Variants in RD3 observed in about 807,000 individuals in gnomAD.
The protein encoded by RD3 is protein RD3.
RD3 carries 11 observed loss-of-function variants against 16.9 expected under a neutral mutation model. The ratio of observed to expected loss-of-function variants is 0.65; its 90% CI spans 0.41 to 1.08. The LOEUF is 1.08. Ranked by LOEUF, RD3 falls within the 50% of genes least tolerant of loss-of-function variation. The pLI is 0.00. For missense variants in RD3, 274 were observed against 267.4 expected (o/e 1.02, Z -0.17); for synonymous variants, 116 against 114.8 (o/e 1.01, Z -0.07).
rs371743426 is a variant in RD3, at chr1:211,481,351, G to A, written c.65C>T (p.Ala22Val). ...APSRLSTRSP[A>V]EMVLETLMME... ...CATAAGCGTCTCCAGCACCATCTCAGCAGGGCTCCTGGTGGACAGCCGGGA... is the reference window on the plus strand; with the variant it reads ...CATAAGCGTCTCCAGCACCATCTCAACAGGGCTCCTGGTGGACAGCCGGGA... The change falls in exon 2 of 3, where the codon GCT becomes GTT. Residue 22 changes from alanine (A) to valine (V), a missense_variant. Transcript: ENST00000680073. 2 of 1,613,946 alleles carry A rather than the reference G, an allele frequency of 1.2e-6. No individual in the cohort carries two copies. Among genetic ancestry groups the A allele is most frequent in the South Asian group, 2.2e-5 (2 of 91,084 alleles).
intron 1 of RD3, among the ~76,000 whole-genome samples, chr1:211,489,329 G>A (rs1381714720): frequency 7.3e-6 from 1 of 137,644 alleles, no homozygotes; most frequent in Non-Finnish European, 1.6e-5. Flanking sequence ...ACTGAAATGT[G>A]GTATTTCTTT....
Position 211,491,383 on chromosome 1 carries a change from C to T in RD3, c.-12+385G>A, listed in dbSNP as rs1353242613. ...ATGCAAGAGTCTCTGATTTGGGTTT[C>T]GCTTTCCTTCCCCCTGCCTGTGTCC... On this transcript the variant is annotated intron_variant, in intron 1 of 2. Coordinates refer to ENST00000680073, the MANE Select transcript of RD3 (RefSeq NM_001164688.2). 6.6e-5 allele frequency among the ~76,000 whole-genome samples: 10 copies of T among 152,324 alleles called. No homozygotes were observed. In the East Asian group the frequency reaches 1.7e-3, roughly 26 times the overall value.
At chr1:211,484,954 G>A (rs982938337) in intron 1 of RD3, among the ~76,000 whole-genome samples, 1 of 152,248 alleles carries the variant, frequency 6.6e-6, no homozygotes, top group Non-Finnish European at 1.5e-5. Context: ...GTGGGCGGGC[G>A]ACTGTCTGGC....
In RD3 at chr1:211,479,079, C is replaced by G. The variant is rs747890482; in HGVS notation, c.545G>C (p.Arg182Pro). 2 of 1,610,618 alleles carry G rather than the reference C, an allele frequency of 1.2e-6. No individual in the cohort carries two copies. Among genetic ancestry groups the G allele is most frequent in the South Asian group, 1.1e-5 (1 of 90,812 alleles). Residue 182 changes from arginine (R) to proline (P), a missense_variant, in exon 3 of 3, where the codon CGG becomes CCG. Coordinates refer to ENST00000680073, the MANE Select transcript of RD3 (RefSeq NM_001164688.2). ...DVERDTPPPL[R>P]SWSMPEFRAP... ...CCGGAATTCGGGCATGCTCCAGGAC[C>G]GCAGTGGCGGCGGTGTGTCCCGCTC...
intron 2 of RD3, among the ~76,000 whole-genome samples, chr1:211,480,900 C>A (rs991028447): frequency 6.6e-6 from 1 of 152,198 alleles, no homozygotes. Context: ...TCAAAACTCA[C>A]GCGCCTCCAG....
At chr1:211,482,360 C>A (rs574887461) in intron 1 of RD3, among the ~76,000 whole-genome samples, 1 of 152,058 alleles carries the variant, frequency 6.6e-6, no homozygotes, top group Admixed American at 6.5e-5. Context: ...GGATCCTGCT[C>A]TCCAGGAGAG....
intron 1 of RD3, among the ~76,000 whole-genome samples, chr1:211,489,114 C>A (rs80128905): frequency 0.011 from 1,606 of 152,286 alleles, 13 homozygotes; most frequent in South Asian, 0.016. Flanking sequence ...AATAAAGGTA[C>A]CTATTTCAAG....
chr1:211,489,857 C>T (rs1349582278), intron 1 of RD3, among the ~76,000 whole-genome samples: 1 of 152,160 alleles, frequency 6.6e-6, no homozygotes, highest in African/African-American at 2.4e-5. Context: ...GTTTACAGAG[C>T]AGAGTGGATG....
intron 1 of RD3, among the ~76,000 whole-genome samples, chr1:211,484,100 C>T (rs534882638): frequency 5.8e-4 from 88 of 152,262 alleles, no homozygotes; most frequent in Non-Finnish European, 1.2e-3. Flanking sequence ...CTACCTTGTC[C>T]CCTGACTGCA....
At chr1:211,481,714 C>T (rs1170730266) in intron 1 of RD3, among the ~76,000 whole-genome samples, 1 of 152,180 alleles carries the variant, frequency 6.6e-6, no homozygotes, top group African/African-American at 2.4e-5. Context: ...CTTAAAGCAT[C>T]CCCAGGATTG....
chr1:211,486,924 G>A lies in RD3; in HGVS notation c.-12+4844C>T, dbSNP rs183158399. Among the ~76,000 whole-genome samples the A allele has an allele frequency of 2.6e-4, 40 of 152,220 alleles. 1 individual carries two copies. The East Asian group carries it at 7.3e-3, about 28-fold the overall frequency. On this transcript the variant is annotated intron_variant, in intron 1 of 2. Transcript: ENST00000680073. ...TCTTAGGAGGTGCTGAAGTGTTTAT[G>A]GGTGTCTACAATATCTTACATTCAA...
intron 1 of RD3, among the ~76,000 whole-genome samples, chr1:211,484,486 T>C (rs968745903): frequency 2.0e-5 from 3 of 151,378 alleles, no homozygotes; most frequent in Non-Finnish European, 4.4e-5. Flanking sequence ...CAGCAGAGGG[T>C]TCTCCTGTGG....
rs1705209910 is a variant in RD3 at position 211,479,141 on chromosome 1, G to A, written c.483C>T (p.Pro161=). 1 of 1,612,862 alleles carries A rather than the reference G, an allele frequency of 6.2e-7. No individual in the cohort carries two copies. The highest frequency in any genetic ancestry group is 8.5e-7 in the Non-Finnish European group (1 of 1,179,662). The change falls in exon 3 of 3, where the codon CCC becomes CCT. Residue 161 remains proline, a synonymous_variant. Coordinates refer to ENST00000680073, the MANE Select transcript of RD3 (RefSeq NM_001164688.2). The part of the protein sequence containing the change: ...ATFKTRARIS[P]FASDIRTISE... The stretch of plus-strand genomic sequence containing the variant: ...AGATGGTCCTGATGTCGCTGGCGAA[G>A]GGCGAGATGCGCGCGCGGGTCTTGA...
intron 1 of RD3, among the ~76,000 whole-genome samples, chr1:211,486,502 CA>C (rs369582799): frequency 4.1e-5 from 6 of 145,906 alleles, no homozygotes; most frequent in Non-Finnish European, 6.0e-5. Flanking sequence ...CCGACTCAAA[CA>C]AAAAAAAATT....
intron 1 of RD3, among the ~76,000 whole-genome samples, chr1:211,488,167 T>G (rs993746514): frequency 6.6e-6 from 1 of 152,138 alleles, no homozygotes; most frequent in African/African-American, 2.4e-5. Context: ...TGTGAAAACA[T>G]TCAGTAAACT....
chr1:211,478,069 C>G lies in RD3; in HGVS notation c.*967G>C. 2.5e-6 allele frequency: 1 copy of G among 398,680 alleles called. No homozygotes were observed. Among genetic ancestry groups the G allele is most frequent in the Non-Finnish European group, 4.4e-6 (1 of 226,100 alleles). The allele number at this position is 398,680 out of a possible 1,614,324, so 24.7% of individuals were successfully genotyped here. ...TTTGGGCATCACTTTCTGGAGAAAG[C>G]CAGAGAGCAGGTGTGACCAGCTGCA... On this transcript the variant is annotated 3_prime_UTR_variant, in exon 3 of 3. Transcript: ENST00000680073.
At position 211,477,730 on chromosome 1, in the gene RD3, CT is replaced by C. The variant is rs886045896; in HGVS notation, c.*1305del. The C allele has an allele frequency of 5.9e-5, 11 of 185,416 alleles. No individual in the cohort carries two copies. In the South Asian group the frequency reaches 1.8e-3, roughly 30 times the overall value. The allele number at this position is 185,416 out of a possible 1,614,324, so 11.5% of individuals were successfully genotyped here. A position where few individuals can be genotyped will look rare whatever the true frequency, so the allele number is the denominator to read the frequency against. On this transcript the variant is annotated 3_prime_UTR_variant, in exon 3 of 3. Coordinates refer to ENST00000680073, the MANE Select transcript of RD3 (RefSeq NM_001164688.2). ...CTTTTTTCCACTGAGGGAATACACA[CT>C]TTTCCCCCCTGTTGATTATATCTCC... is the stretch of plus-strand genomic sequence containing the variant.
At chr1:211,491,275 C>T (rs544223848) in intron 1 of RD3, among the ~76,000 whole-genome samples, 2 of 152,366 alleles carry the variant, frequency 1.3e-5, no homozygotes, top group South Asian at 2.1e-4. Context: ...CCATCACCCT[C>T]GTGCCCTGGG....
intron 2 of RD3, among the ~76,000 whole-genome samples, chr1:211,480,651 TACACACACACACAC>T (rs3041254): frequency 9.4e-5 from 14 of 148,964 alleles, no homozygotes; most frequent in African/African-American, 3.2e-4. Context: ...GAACCCTTCC[TACACACACACACAC>T]ACACACACAC....
Sources: gnomAD v4.1 joint callset for allele counts (sites outside exome capture counted in the v4.1 genomes callset) on GRCh38, gnomAD v4.1.1 for gene constraint, MANE v1.5 for transcripts, NCBI Gene and HGNC (gene_info 2026-07-23, HGNC 2026-07-21) for gene names.